GAS7: variants seen among roughly 807,000 people sequenced by gnomAD.
The protein encoded by GAS7 is growth arrest-specific protein 7.
GAS7 carries 28 observed loss-of-function variants against 71.1 expected under a neutral mutation model. The observed-to-expected ratio is 0.39, with a 90% CI of 0.29 to 0.54. The LOEUF (loss-of-function observed/expected upper bound fraction) is 0.54. GAS7 is among the 20% of genes least tolerant of loss of function. GAS7 has a pLI of 0.62. For synonymous variants in GAS7, 258 were observed against 245.8 expected, an observed-to-expected ratio of 1.05 and a Z score of -0.46; for missense variants, 436 against 627.8, an observed-to-expected ratio of 0.69 and a Z score of 3.27.
At chr17:10,000,688 T>A (rs73264409) in intron 2 of GAS7, among the ~76,000 whole-genome samples, 35,847 of 152,120 alleles carry the variant, frequency 0.24, 6,452 homozygotes, top group African/African-American at 0.51. Context: ...CACACCTTGT[T>A]ATAAGAATCT....
At chr17:10,128,968 A>C (rs80249962) in intron 1 of GAS7, among the ~76,000 whole-genome samples, 112 of 152,238 alleles carry the variant, frequency 7.4e-4, no homozygotes, top group African/African-American at 2.5e-3. Context: ...CTTTTAACCT[A>C]AATAATCCTG....
At chr17:9,943,651 A>C (rs575258943) in intron 6 of GAS7, among the ~76,000 whole-genome samples, 1 of 152,318 alleles carries the variant, frequency 6.6e-6, no homozygotes, top group South Asian at 2.1e-4. Flanking sequence ...AGGTACCCCC[A>C]GCCTTAAGCC....
chr17:10,068,728 C>A (rs765805100), intron 1 of GAS7, among the ~76,000 whole-genome samples: 10 of 151,986 alleles, frequency 6.6e-5, no homozygotes, highest in Admixed American at 4.6e-4. Context: ...CGTACCACTG[C>A]AATCCAGCCT....
In GAS7 at chr17:10,177,785, T is replaced by C. The variant is rs552457755; in HGVS notation, c.183+20423A>G. Among the ~76,000 whole-genome samples, 10 of 152,260 alleles carry C rather than the reference T, an allele frequency of 6.6e-5. No homozygotes were observed. The East Asian group carries it at 1.4e-3, about 21-fold the overall frequency. On this transcript the variant is annotated intron_variant, in intron 1 of 13. Transcript: ENST00000432992. ...TTGCAGCTGTAGCTGAATATATATA[T>C]AGTCTTGATGATTTGCAGTGAAGCA... is the stretch of plus-strand genomic sequence containing the variant.
chr17:10,024,169 T>C (rs1310908017), intron 1 of GAS7, among the ~76,000 whole-genome samples: 2 of 152,080 alleles, frequency 1.3e-5, no homozygotes, highest in Non-Finnish European at 2.9e-5. Context: ...TTTTCTGCCT[T>C]CTGCGAAGGC....
chr17:10,115,098 G>T (rs530602685), intron 1 of GAS7, among the ~76,000 whole-genome samples: 1 of 152,358 alleles, frequency 6.6e-6, no homozygotes, highest in African/African-American at 2.4e-5. Flanking sequence ...TTTGGTGGTT[G>T]CATCAATGAG....
At chr17:10,191,985 T>C (rs377684513) in intron 1 of GAS7, among the ~76,000 whole-genome samples, 5 of 151,808 alleles carry the variant, frequency 3.3e-5, no homozygotes, top group East Asian at 3.9e-4. Flanking sequence ...AGAAGAGTAG[T>C]AGACGGAGAA....
chr17:10,138,087 C>T (rs140875251), intron 1 of GAS7, among the ~76,000 whole-genome samples: 2,592 of 152,026 alleles, frequency 0.017, 74 homozygotes, highest in African/African-American at 0.059. Context: ...CTCAGCCTCC[C>T]GAGTAGCTGG....
chr17:10,174,423 T>A (rs1242439607), intron 1 of GAS7, among the ~76,000 whole-genome samples: 1 of 152,144 alleles, frequency 6.6e-6, no homozygotes, highest in African/African-American at 2.4e-5. Context: ...CCAGGCGCGG[T>A]GGCTCACATC....
intron 1 of GAS7, chr17:10,039,847 T>G: frequency 4.7e-6 from 2 of 424,656 alleles, no homozygotes; most frequent in Non-Finnish European, 4.7e-6. Context: ...CCTCTGGGGC[T>G]CCCAGAGGGG....
rs1597421668 is a variant in GAS7, at chr17:9,911,142, G to C, written c.*6086C>G. 1 of 233,210 alleles carries C rather than the reference G, an allele frequency of 4.3e-6. No homozygotes were observed. Among genetic ancestry groups the C allele is most frequent in the East Asian group, 6.0e-5 (1 of 16,584 alleles). The allele number at this position is 233,210 out of a possible 1,614,324, so 14.4% of individuals were successfully genotyped here. A position where few individuals can be genotyped will look rare whatever the true frequency, so the allele number is the denominator to read the frequency against. ...GGCGTCCCTTTGAATGTCTGTCCCT[G>C]GGTCCACACAGCTGCCTGGAACCCA... On this transcript the variant is annotated 3_prime_UTR_variant, in exon 14 of 14. Coordinates refer to ENST00000432992, the MANE Select transcript of GAS7 (RefSeq NM_201433.2). The surrounding 1 kb of genome is among the most constrained non-coding windows in gnomAD (Gnocchi z 4.0).
At chr17:9,943,371 C>T (rs1206267102) in intron 6 of GAS7, 135 bp from the exon 7 acceptor site, 7 of 646,274 alleles carry the variant, frequency 1.1e-5, no homozygotes, top group Non-Finnish European at 2.0e-5. Context: ...GCAGCTGTCT[C>T]TGCTGCCCTA....
intron 2 of GAS7, among the ~76,000 whole-genome samples, chr17:9,998,179 C>T (rs8070311): frequency 6.6e-6 from 1 of 152,138 alleles, no homozygotes; most frequent in African/African-American, 2.4e-5. Context: ...AGACACCCAT[C>T]ATCTCATTAG....
chr17:10,137,454 G>A (rs971930325), intron 1 of GAS7, among the ~76,000 whole-genome samples: 4 of 151,068 alleles, frequency 2.6e-5, no homozygotes, highest in African/African-American at 4.9e-5. Flanking sequence ...TTCTTAGAAT[G>A]TAAGCTGCAC....
intron 9 of GAS7, among the ~76,000 whole-genome samples, chr17:9,929,306 G>T (rs2068125090): frequency 6.6e-6 from 1 of 152,032 alleles, no homozygotes; most frequent in Admixed American, 6.5e-5. Context: ...CCAGCCCCAG[G>T]TTCTGTGGTC....
chr17:10,055,560 C>G (rs1036734617), intron 1 of GAS7, among the ~76,000 whole-genome samples: 2 of 152,210 alleles, frequency 1.3e-5, no homozygotes, highest in African/African-American at 4.8e-5. Context: ...AAACCCGTCC[C>G]CTCCCTTTCC....
chr17:9,986,573 C>A (rs926066732), intron 2 of GAS7, among the ~76,000 whole-genome samples: 3 of 152,186 alleles, frequency 2.0e-5, no homozygotes, highest in Non-Finnish European at 4.4e-5. Flanking sequence ...CAGCAGCCAG[C>A]AGCTCCGGGG....
intron 1 of GAS7, among the ~76,000 whole-genome samples, chr17:10,162,943 G>C (rs1323466577): frequency 6.6e-6 from 1 of 152,108 alleles, no homozygotes; most frequent in Non-Finnish European, 1.5e-5. Flanking sequence ...GTACAACAAT[G>C]TGATGTGCTT....
chr17:10,164,788 T>C (rs536920134), intron 1 of GAS7, among the ~76,000 whole-genome samples: 1 of 137,260 alleles, frequency 7.3e-6, no homozygotes, highest in Non-Finnish European at 1.6e-5. Context: ...AGTCCAGGAG[T>C]TCAAGACAAG....
Sources: gnomAD v4.1 joint callset for allele counts (sites outside exome capture counted in the v4.1 genomes callset) on GRCh38, gnomAD v4.1.1 for gene constraint, Gnocchi (gnomAD v3.1) non-coding constraint, MANE v1.5 for transcripts, NCBI Gene and HGNC (gene_info 2026-07-23, HGNC 2026-07-21) for gene names.